The following LRRC8C variants were observed in gnomAD, a reference collection of about 807,000 sequenced individuals.
The protein encoded by LRRC8C is volume-regulated anion channel subunit LRRC8C.
Under a neutral mutation model 55.3 loss-of-function variants are expected in LRRC8C, and 20 were observed. The ratio of observed to expected loss-of-function variants is 0.36; its 90% CI spans 0.25 to 0.53. LRRC8C has a LOEUF of 0.53. LRRC8C is among the 20% of genes least tolerant of loss of function. The pLI, the probability that LRRC8C is intolerant of heterozygous loss-of-function variation, is 0.92. For missense variants in LRRC8C, 659 were observed against 951.4 expected, an observed-to-expected ratio of 0.69 and a Z score of 4.04; for synonymous variants, 376 against 360.7, an observed-to-expected ratio of 1.04 and a Z score of -0.48.
chr1:89,689,640 C>G (rs572673290), intron 2 of LRRC8C, among the ~76,000 whole-genome samples: 1 of 152,044 alleles, frequency 6.6e-6, no homozygotes, highest in African/African-American at 2.4e-5. Context: ...ATGTGAAATA[C>G]AAGAGAAAAA....
At chr1:89,641,629 CAT>C (rs1290412108) in intron 1 of LRRC8C, among the ~76,000 whole-genome samples, 1 of 152,048 alleles carries the variant, frequency 6.6e-6, no homozygotes, top group Non-Finnish European at 1.5e-5. Flanking sequence ...CTATCCATCT[CAT>C]TACATTTTTG....
chr1:89,629,665 C>A (rs1421783252), upstream of LRRC8C: 2 of 152,144 alleles, frequency 1.3e-5, no homozygotes, highest in Non-Finnish European at 2.9e-5. Flanking sequence ...AATATCAGGT[C>A]CTGTGCAGGG....
At chr1:89,689,526 C>G (rs1657972237) in intron 2 of LRRC8C, among the ~76,000 whole-genome samples, 1 of 152,106 alleles carries the variant, frequency 6.6e-6, no homozygotes, top group Non-Finnish European at 1.5e-5. Flanking sequence ...AAGGCTAGTG[C>G]AATAATCCAG....
At chr1:89,704,419 A>G (rs1413986263) in intron 2 of LRRC8C, among the ~76,000 whole-genome samples, 4 of 152,208 alleles carry the variant, frequency 2.6e-5, no homozygotes, top group Non-Finnish European at 4.4e-5. Context: ...AGAATGAAGT[A>G]GATCTCCAGG....
chr1:89,623,870 T>A, the LRRC8C span, among the ~76,000 whole-genome samples: 1 of 152,170 alleles, frequency 6.6e-6, no homozygotes, highest in East Asian at 1.9e-4. Flanking sequence ...AAAAAGCTAG[T>A]CGTTGTAAAG....
chr1:89,651,441 G>A (rs751651478), intron 1 of LRRC8C, among the ~76,000 whole-genome samples: 2 of 151,002 alleles, frequency 1.3e-5, no homozygotes, highest in African/African-American at 2.4e-5. Context: ...GGTGGCGGGC[G>A]CCTCTACTCC....
At chr1:89,686,693 A>G (rs908230969) in intron 2 of LRRC8C, 82 bp downstream of exon 2, 2 of 1,478,522 alleles carry the variant, frequency 1.4e-6, no homozygotes, top group Non-Finnish European at 1.9e-6. Flanking sequence ...TGGCTGTGTG[A>G]TTTTTAACCA....
At chr1:89,650,877 A>C (rs1343533996) in intron 1 of LRRC8C, among the ~76,000 whole-genome samples, 1 of 152,156 alleles carries the variant, frequency 6.6e-6, no homozygotes, top group Non-Finnish European at 1.5e-5. Flanking sequence ...CCCAAGTTCA[A>C]CCACTTCTTA....
At chr1:89,644,677 TGAAGGGGAAATCCTA>T (rs1656564787) in intron 1 of LRRC8C, among the ~76,000 whole-genome samples, 1 of 152,152 alleles carries the variant, frequency 6.6e-6, no homozygotes, top group African/African-American at 2.4e-5. Context: ...GGTTGGAAAG[TGAAGGGGAAATCCTA>T]GGGGGAAAAA....
intron 2 of LRRC8C, among the ~76,000 whole-genome samples, chr1:89,698,993 AAAAG>A (rs1318491689): frequency 2.6e-5 from 4 of 152,026 alleles, no homozygotes; most frequent in Admixed American, 6.6e-5. Flanking sequence ...AAGAAATTAA[AAAAG>A]AGAGAGAGAG....
At chr1:89,656,829 T>A (rs1042114477) in intron 1 of LRRC8C, among the ~76,000 whole-genome samples, 2 of 152,220 alleles carry the variant, frequency 1.3e-5, no homozygotes, top group African/African-American at 2.4e-5. Flanking sequence ...CTATTTTTTT[T>A]ATTCAAAGTT....
intron 1 of LRRC8C, among the ~76,000 whole-genome samples, chr1:89,684,027 TG>T (rs762645609): frequency 2.6e-4 from 39 of 152,138 alleles, no homozygotes; most frequent in Admixed American, 3.9e-4. Context: ...TTGGAAAATA[TG>T]GTTATTTTTC....
At chr1:89,633,752 A>T (rs1289298693) in intron 1 of LRRC8C, among the ~76,000 whole-genome samples, 1 of 152,040 alleles carries the variant, frequency 6.6e-6, no homozygotes, top group East Asian at 1.9e-4. Context: ...CCCCCCTGCC[A>T]CCTCCGAACC....
the LRRC8C span, among the ~76,000 whole-genome samples, chr1:89,627,497 C>A: frequency 2.6e-5 from 4 of 152,178 alleles, no homozygotes; most frequent in Admixed American, 2.6e-4. Context: ...GTAAAACCAG[C>A]TCATGAAGGC....
At chr1:89,654,215 T>C (rs2101200637) in intron 1 of LRRC8C, among the ~76,000 whole-genome samples, 1 of 152,248 alleles carries the variant, frequency 6.6e-6, no homozygotes, top group African/African-American at 2.4e-5. Flanking sequence ...AGCTAAATAA[T>C]GTGAACACAT....
At chr1:89,643,114 C>A (rs1255812910) in intron 1 of LRRC8C, among the ~76,000 whole-genome samples, 4 of 151,832 alleles carry the variant, frequency 2.6e-5, no homozygotes, top group African/African-American at 9.7e-5. Context: ...GTTTTTGAGA[C>A]AGGGCCTTGC....
chr1:89,631,575 C>T (rs1042853051), upstream of LRRC8C: 4 of 152,034 alleles, frequency 2.6e-5, no homozygotes, highest in African/African-American at 9.7e-5. Context: ...TGCATCTACC[C>T]TGGTGACTTA....
chr1:89,670,891 G>A (rs562452076), intron 1 of LRRC8C, among the ~76,000 whole-genome samples: 1 of 152,294 alleles, frequency 6.6e-6, no homozygotes, highest in African/African-American at 2.4e-5. Context: ...ACCTGCAGGA[G>A]TTAAAAAGCT....
upstream of LRRC8C, chr1:89,631,698 C>T (rs1438141612): frequency 6.6e-6 from 1 of 151,946 alleles, no homozygotes; most frequent in African/African-American, 2.4e-5. Flanking sequence ...TAAGCCCGGA[C>T]CTAAATTTTT....
Sources: gnomAD v4.1 joint callset for allele counts (sites outside exome capture counted in the v4.1 genomes callset) on GRCh38, gnomAD v4.1.1 for gene constraint, MANE v1.5 for transcripts, NCBI Gene and HGNC (gene_info 2026-07-23, HGNC 2026-07-21) for gene names.